The following MEI4 variants were observed in gnomAD, a reference collection of about 807,000 sequenced individuals.
MEI4 encodes the protein meiotic double-stranded break formation protein 4, also known as meiosis-specific protein MEI4.
Under a neutral mutation model 31.4 loss-of-function variants are expected in MEI4, and 27 were observed. The observed-to-expected ratio is 0.86, with a 90% CI of 0.63 to 1.19. MEI4 has a LOEUF of 1.19. MEI4 is among the 50% of genes most tolerant of loss of function. The pLI is 0.00. For missense variants in MEI4, 329 were observed against 398.9 expected (o/e 0.82, Z 1.49); for synonymous variants, 122 against 145.4 (o/e 0.84, Z 1.16).
At chr6:77,731,881 G>A (rs1202008366) in intron 2 of MEI4, among the ~76,000 whole-genome samples, 1 of 151,942 alleles carries the variant, frequency 6.6e-6, no homozygotes, top group Non-Finnish European at 1.5e-5. Context: ...TTATTAAATA[G>A]GGAATCCTTT....
At chr6:77,784,604 A>C (rs1768682524) in intron 3 of MEI4, among the ~76,000 whole-genome samples, 4 of 152,188 alleles carry the variant, frequency 2.6e-5, no homozygotes. Context: ...TAGGTGCAAG[A>C]GTGTCAATTA....
chr6:77,853,014 C>T (rs892715625), intron 4 of MEI4, among the ~76,000 whole-genome samples: 4 of 152,110 alleles, frequency 2.6e-5, no homozygotes, highest in Non-Finnish European at 5.9e-5. Flanking sequence ...GCCTGACCAA[C>T]ATGGAAAAAC....
chr6:77,907,595 C>T (rs1268552686), intron 4 of MEI4, among the ~76,000 whole-genome samples: 5 of 152,140 alleles, frequency 3.3e-5, no homozygotes, highest in Admixed American at 3.3e-4. Flanking sequence ...CTGCAATAAA[C>T]ATATGTGTGC....
At chr6:77,743,472 G>A (rs912077894) in intron 2 of MEI4, among the ~76,000 whole-genome samples, 3 of 152,234 alleles carry the variant, frequency 2.0e-5, no homozygotes, top group Non-Finnish European at 4.4e-5. Context: ...CATTGATTTT[G>A]TATCCTGAGA....
At chr6:77,768,186 A>G (rs1185787306) in intron 3 of MEI4, among the ~76,000 whole-genome samples, 1 of 152,188 alleles carries the variant, frequency 6.6e-6, no homozygotes, top group African/African-American at 2.4e-5. Flanking sequence ...ATGATGCTGA[A>G]TATTTTCCTC....
At chr6:77,759,745 T>C (rs1001155552) in intron 2 of MEI4, among the ~76,000 whole-genome samples, 5 of 152,176 alleles carry the variant, frequency 3.3e-5, no homozygotes, top group Admixed American at 3.3e-4. Context: ...TTAGTTCATT[T>C]CACTCTTCAC....
intron 4 of MEI4, among the ~76,000 whole-genome samples, chr6:77,901,382 T>C (rs1297596855): frequency 6.6e-6 from 1 of 151,954 alleles, no homozygotes; most frequent in Non-Finnish European, 1.5e-5. Flanking sequence ...CAGTTATCTC[T>C]AATCTTCTTG....
chr6:77,745,518 AT>A (rs1409195753), intron 2 of MEI4, among the ~76,000 whole-genome samples: 4 of 152,202 alleles, frequency 2.6e-5, no homozygotes, highest in Non-Finnish European at 5.9e-5. Flanking sequence ...CACATTAATA[AT>A]GGGAGACTTT....
At chr6:77,796,853 G>A (rs953515318) in intron 3 of MEI4, among the ~76,000 whole-genome samples, 1 of 152,110 alleles carries the variant, frequency 6.6e-6, no homozygotes, top group Non-Finnish European at 1.5e-5. Flanking sequence ...AATTCCTGTG[G>A]AACCTCAAAA....
intron 3 of MEI4, among the ~76,000 whole-genome samples, chr6:77,811,396 A>G (rs1260576096): frequency 6.6e-6 from 1 of 152,206 alleles, no homozygotes; most frequent in Non-Finnish European, 1.5e-5. Flanking sequence ...ATGTTTTGAT[A>G]TGTGTTCATA....
chr6:77,873,102 G>A (rs965690938), intron 4 of MEI4, among the ~76,000 whole-genome samples: 1 of 151,878 alleles, frequency 6.6e-6, no homozygotes, highest in Non-Finnish European at 1.5e-5. Context: ...ATGATTTATA[G>A]CAGCATGATT....
intron 1 of MEI4, among the ~76,000 whole-genome samples, chr6:77,688,666 G>C (rs1433607978): frequency 1.3e-5 from 2 of 151,932 alleles, no homozygotes; most frequent in Admixed American, 1.3e-4. Context: ...TGTTTTTCTA[G>C]TTTTTTCTTT....
At chr6:77,921,624 C>G (rs1208022169) in intron 4 of MEI4, among the ~76,000 whole-genome samples, 1 of 151,808 alleles carries the variant, frequency 6.6e-6, no homozygotes, top group Non-Finnish European at 1.5e-5. Flanking sequence ...CTTCACTAAG[C>G]TTAATGATTT....
At chr6:77,915,423 G>GT (rs980901272) in intron 4 of MEI4, among the ~76,000 whole-genome samples, 5 of 151,912 alleles carry the variant, frequency 3.3e-5, no homozygotes, top group Admixed American at 2.0e-4. Context: ...TGACTGGCAG[G>GT]TTTTTTCCTT....
Position 77,923,162 on chromosome 6 carries a change from A to T in MEI4, c.974A>T (p.Gln325Leu). Reference protein sequence around the residue: ...YLFWVLEQLLQKETEEGNTSS... With the variant: ...YLFWVLEQLLLKETEEGNTSS... ...TTCTGGGTTCTGGAGCAGCTTCTTC[A>T]AAAGGAAACCGAAGAAGGCAACACT... Residue 325 changes from glutamine to leucine, a missense_variant, in exon 5 of 5, where the codon CAA (glutamine) becomes CTA (leucine). By Grantham distance (113) the Gln-to-Leu change is moderately radical. Transcript: ENST00000684080. The T allele has an allele frequency of 8.1e-7, 1 of 1,230,692 alleles. No homozygotes were observed. The highest frequency in any genetic ancestry group is 1.0e-6 in the Non-Finnish European group (1 of 986,948). 76.2% of individuals were successfully genotyped at this position (1,230,692 alleles called of 1,614,324 possible).
intron 3 of MEI4, among the ~76,000 whole-genome samples, chr6:77,795,651 T>A (rs1769054728): frequency 6.6e-6 from 1 of 151,978 alleles, no homozygotes; most frequent in Non-Finnish European, 1.5e-5. Context: ...GTGAACATTA[T>A]ATGGATAACC....
Position 77,924,927 on chromosome 6 carries a change from A to T in MEI4, c.*1581A>T, listed in dbSNP as rs1397724436. ...GCCAATAATTTACTTCACAACAAGTACCAGTTGAATACAAGAAGTATATTC... is the reference window on the plus strand; with the variant it reads ...GCCAATAATTTACTTCACAACAAGTTCCAGTTGAATACAAGAAGTATATTC... On this transcript the variant is annotated 3_prime_UTR_variant, in exon 5 of 5. Coordinates refer to ENST00000684080, the MANE Select transcript of MEI4 (RefSeq NM_001322247.2). 1 of 151,924 alleles carries T rather than the reference A, an allele frequency of 6.6e-6. No individual in the cohort carries two copies. The highest frequency in any genetic ancestry group is 1.5e-5 in the Non-Finnish European group (1 of 67,910). The allele number at this position is 151,924 out of a possible 1,614,324, so 9.4% of individuals were successfully genotyped here. A position where few individuals can be genotyped will look rare whatever the true frequency, so the allele number is the denominator to read the frequency against.
chr6:77,907,279 C>T (rs770524715), intron 4 of MEI4, among the ~76,000 whole-genome samples: 1 of 151,952 alleles, frequency 6.6e-6, no homozygotes, highest in African/African-American at 2.4e-5. Context: ...AAATGCTATC[C>T]CTTCCCCCTC....
At chr6:77,889,537 A>C (rs2127731538) in intron 4 of MEI4, among the ~76,000 whole-genome samples, 1 of 152,312 alleles carries the variant, frequency 6.6e-6, no homozygotes, top group African/African-American at 2.4e-5. Flanking sequence ...ACAGAGTATA[A>C]AAGTTTAGAA....
Sources: gnomAD v4.1 joint callset for allele counts (sites outside exome capture counted in the v4.1 genomes callset) on GRCh38, gnomAD v4.1.1 for gene constraint, MANE v1.5 for transcripts, NCBI Gene and HGNC (gene_info 2026-07-23, HGNC 2026-07-21) for gene names.